Variants in PTPRB observed in about 807,000 individuals in gnomAD.
PTPRB encodes protein tyrosine phosphatase receptor type B, also known as receptor-type tyrosine-protein phosphatase beta.
Under a neutral mutation model 238.1 loss-of-function variants are expected in PTPRB, and 97 were observed. The ratio of observed to expected loss-of-function variants is 0.41; its 90% CI spans 0.35 to 0.48. PTPRB has a LOEUF of 0.48. PTPRB is among the 20% of genes least tolerant of loss of function. The pLI is 0.30. For missense variants in PTPRB, 2,292 were observed against 2,681.9 expected, an observed-to-expected ratio of 0.85 and a Z score of 3.21; for synonymous variants, 970 against 995.4, an observed-to-expected ratio of 0.97 and a Z score of 0.48.
chr12:70,571,445 A>T, intron 12 of PTPRB, 156 bp from the exon 13 acceptor site: 1 of 756,104 alleles, frequency 1.3e-6, no homozygotes. Context: ...GAAAAATTGG[A>T]AGCAACTATT....
At chr12:70,522,863 C>CTTTTTTTTTTTTTTT (rs35913444) in intron 33 of PTPRB, among the ~76,000 whole-genome samples, 3 of 118,238 alleles carry the variant, frequency 2.5e-5, no homozygotes, top group African/African-American at 3.3e-5. Flanking sequence ...TTTGTTTTTT[C>CTTTTTTTTTTTTTTT]TTTTTTTTTT....
chr12:70,543,345 T>TTCCTTGAATGTAGTTAATATCCTTTA (rs1875468685), intron 22 of PTPRB, among the ~76,000 whole-genome samples: 1 of 152,222 alleles, frequency 6.6e-6, no homozygotes, highest in Non-Finnish European at 1.5e-5. Flanking sequence ...ACAATCATCT[T>TTCCTTGAATGTAGTTAATATCCTTTA]TCCTTGAATG....
rs1416808884 is a variant in PTPRB at position 70,532,019 on chromosome 12, A to AGTCT, written c.6504+12_6504+15dup. ...GGGAGGAGGGTGGCCTGTAACTTTC[A>AGTCT]GTCTATAACTCTTACCTCAGTCTGG... On this transcript the variant is annotated intron_variant, in intron 32 of 33. Coordinates refer to ENST00000334414, the MANE Select transcript of PTPRB (RefSeq NM_001109754.4). The AGTCT allele has an allele frequency of 6.2e-7, 1 of 1,613,812 alleles. No homozygotes were observed. Among genetic ancestry groups the AGTCT allele is most frequent in the African/African-American group, 1.3e-5 (1 of 74,986 alleles).
At chr12:70,608,955 G>T in intron 4 of PTPRB, 114 bp downstream of exon 4, 1 of 1,352,280 alleles carries the variant, frequency 7.4e-7, no homozygotes, top group Non-Finnish European at 1.0e-6. Context: ...TATCTTCACA[G>T]GTATTTTTAC....
rs758445402 is a variant in PTPRB at position 70,540,969 on chromosome 12, C to G, written c.5495-12G>C. 6.3e-7 allele frequency: 1 copy of G among 1,586,618 alleles called. No homozygotes were observed. The highest frequency in any genetic ancestry group is 2.3e-5 in the East Asian group (1 of 44,092). ...TCCAAACAAGGGCTCTACAATAATCCAGATAGAAACAACAAACGCAGGTGG... is the reference window on the plus strand; with the variant it reads ...TCCAAACAAGGGCTCTACAATAATCGAGATAGAAACAACAAACGCAGGTGG... On this transcript the variant is annotated splice_polypyrimidine_tract_variant and intron_variant, in intron 22 of 33. Transcript: ENST00000334414.
At chr12:70,584,191 T>C (rs1312594046) in intron 9 of PTPRB, among the ~76,000 whole-genome samples, 1 of 152,076 alleles carries the variant, frequency 6.6e-6, no homozygotes, top group Non-Finnish European at 1.5e-5. Flanking sequence ...AAAGAATTAA[T>C]GAAATGAATC....
chr12:70,560,855 A>G lies in PTPRB; in HGVS notation c.4248T>C (p.Ser1416=), dbSNP rs1474764271. ...TCAGCTCATAAAAGTCAAAGTCCCC[A>G]GAGGCTGGACTCCAGTTGAACCAAA... ...DSLWFNWSPA[S]GDFDFYELIL... The change falls in exon 17 of 34, where the codon TCT becomes TCC. Residue 1416 remains serine, a synonymous_variant. Coordinates refer to ENST00000334414, the MANE Select transcript of PTPRB (RefSeq NM_001109754.4). The surrounding 1 kb of genome is among the most constrained non-coding windows in gnomAD (Gnocchi z 4.2). 1 of 1,613,840 alleles carries G rather than the reference A, an allele frequency of 6.2e-7. No individual in the cohort carries two copies. The highest frequency in any genetic ancestry group is 1.3e-5 in the African/African-American group (1 of 74,926).
intron 11 of PTPRB, among the ~76,000 whole-genome samples, chr12:70,573,814 A>G (rs1221390781): frequency 6.6e-6 from 1 of 151,978 alleles, no homozygotes. Flanking sequence ...TGATTAATAC[A>G]ATTTTGTGCA....
intron 23 of PTPRB, 149 bp from the exon 24 acceptor site, chr12:70,540,171 G>A: frequency 1.6e-6 from 1 of 631,154 alleles, no homozygotes; most frequent in South Asian, 2.3e-5. Flanking sequence ...CTCTGAGGGA[G>A]GGAAAGGAAA....
At chr12:70,631,770 G>A (rs1885464831) in intron 2 of PTPRB, among the ~76,000 whole-genome samples, 1 of 152,098 alleles carries the variant, frequency 6.6e-6, no homozygotes, top group Admixed American at 6.6e-5. Flanking sequence ...GTGGGCAAAG[G>A]ATATGAACAG....
chr12:70,609,697 G>C (rs1283861750), intron 3 of PTPRB: 1 of 1,461,176 alleles, frequency 6.8e-7, no homozygotes, highest in Admixed American at 2.0e-5. Flanking sequence ...AGAAAGTGGA[G>C]TGGGAATTTG....
intron 6 of PTPRB, among the ~76,000 whole-genome samples, chr12:70,593,070 AT>A (rs1199927732): frequency 6.6e-6 from 1 of 152,266 alleles, no homozygotes; most frequent in East Asian, 1.9e-4. Context: ...TGATTACAAA[AT>A]TTTATGTGAT....
At chr12:70,598,062 G>A (rs1016645003) in intron 4 of PTPRB, among the ~76,000 whole-genome samples, 2 of 152,160 alleles carry the variant, frequency 1.3e-5, no homozygotes, top group African/African-American at 4.8e-5. Flanking sequence ...CAGAGTGCCC[G>A]AAACACAGGT....
intron 32 of PTPRB, among the ~76,000 whole-genome samples, chr12:70,524,923 A>G (rs1872175880): frequency 6.7e-6 from 1 of 149,884 alleles, no homozygotes; most frequent in African/African-American, 2.5e-5. Flanking sequence ...GTATGTATAT[A>G]TGTGTGTATA....
Position 70,560,605 on chromosome 12 carries a change from A to G in PTPRB, c.4432+66T>C. On this transcript the variant is annotated intron_variant, in intron 17 of 33. Transcript: ENST00000334414. This position sits in a 1 kb window ranked among gnomAD's most constrained non-coding sequence, Gnocchi z 4.2. ...CTTTATCTCTTGTCATTAAAATCAG[A>G]ATCAAAATGTGTCTCTGGAAGCTAC... The G allele has an allele frequency of 1.3e-6, 2 of 1,583,246 alleles. No individual in the cohort carries two copies. The highest frequency in any genetic ancestry group is 3.5e-5 in the Admixed American group (2 of 57,524).
intron 6 of PTPRB, among the ~76,000 whole-genome samples, chr12:70,594,063 G>C (rs555434066): frequency 6.6e-6 from 1 of 152,306 alleles, no homozygotes; most frequent in African/African-American, 2.4e-5. Flanking sequence ...TGGTTAGATA[G>C]AAAATTTTGG....
intron 26 of PTPRB, chr12:70,539,219 A>T: frequency 1.7e-6 from 1 of 588,690 alleles, no homozygotes; most frequent in East Asian, 2.8e-5. Context: ...GGTGAGGCTC[A>T]GTCAGGATAA....
Position 70,532,024 on chromosome 12 carries a change from A to ATAAC in PTPRB, c.6504+7_6504+10dup, listed in dbSNP as rs1873332416. The ATAAC allele has an allele frequency of 1.4e-5, 22 of 1,613,898 alleles. No homozygotes were observed. The highest frequency in any genetic ancestry group is 1.6e-5 in the Non-Finnish European group (19 of 1,179,880). Reference sequence around the variant, plus strand: ...GAGGGTGGCCTGTAACTTTCAGTCTATAACTCTTACCTCAGTCTGGACCAT... The same window carrying ATAAC: ...GAGGGTGGCCTGTAACTTTCAGTCTATAACTAACTCTTACCTCAGTCTGGACCAT... On this transcript the variant is annotated intron_variant, in intron 32 of 33. Coordinates refer to ENST00000334414, the MANE Select transcript of PTPRB (RefSeq NM_001109754.4).
At position 70,539,639 on chromosome 12, in the gene PTPRB, A is replaced by C; in HGVS notation, c.5764T>G (p.Ser1922Ala). ...KLQADSNYLL[S>A]KEYEELKDVG... ...CTGAGTTGTACCTCGTATTCCTTGG[A>C]TAGAAGGTAGTTGGAGTCAGCCTGT... The change falls in exon 26 of 34, where the codon TCC (serine) becomes GCC (alanine). Residue 1922 changes from serine to alanine, a missense_variant. Around this residue, in one of 4 missense-constraint regions of PTPRB, gnomAD observed 397 missense variants for 502.0 expected, o/e 0.79. Transcript: ENST00000334414. 1 of 1,565,810 alleles carries C rather than the reference A, an allele frequency of 6.4e-7. No individual in the cohort carries two copies. Among genetic ancestry groups the C allele is most frequent in the Non-Finnish European group, 8.7e-7 (1 of 1,147,924 alleles).
Sources: gnomAD v4.1 joint callset for allele counts (sites outside exome capture counted in the v4.1 genomes callset) on GRCh38, gnomAD v4.1.1 for gene constraint, gnomAD v4.1.1 regional missense constraint, Gnocchi (gnomAD v3.1) non-coding constraint, MANE v1.5 for transcripts, NCBI Gene and HGNC (gene_info 2026-07-23, HGNC 2026-07-21) for gene names.